The following PRAP1 variants were observed in gnomAD, a reference collection of about 807,000 sequenced individuals.
PRAP1 encodes the protein proline-rich acidic protein 1.
Under a neutral mutation model 14.6 loss-of-function variants are expected in PRAP1, and 12 were observed. The observed-to-expected ratio is 0.82, with a 90% CI of 0.53 to 1.33. The LOEUF is 1.33. Ranked by LOEUF, PRAP1 falls within the 40% of genes most tolerant of loss-of-function variation. PRAP1 has a pLI of 0.00. For synonymous variants in PRAP1, 81 were observed against 80.3 expected (o/e 1.01, Z -0.04); for missense variants, 160 against 193.7 (o/e 0.83, Z 1.03).
chr10:133,350,084 C>A lies in PRAP1; in HGVS notation c.9-11C>A. ...CCCTACCTCACACTTCCCTCTCTGGCCCCCCCTCAGGCTCCTCCTGGTCAC... is the reference window on the plus strand; with the variant it reads ...CCCTACCTCACACTTCCCTCTCTGGACCCCCCTCAGGCTCCTCCTGGTCAC... On this transcript the variant is annotated splice_polypyrimidine_tract_variant and intron_variant, in intron 1 of 4. Coordinates refer to ENST00000433452, the MANE Select transcript of PRAP1 (RefSeq NM_145202.5). 1 of 1,610,908 alleles carries A rather than the reference C, an allele frequency of 6.2e-7. No individual in the cohort carries two copies. The highest frequency in any genetic ancestry group is 8.5e-7 in the Non-Finnish European group (1 of 1,178,306).
At position 133,352,473 on chromosome 10, in the gene PRAP1, C is replaced by G; in HGVS notation, c.*33C>G. 1 of 1,588,982 alleles carries G rather than the reference C, an allele frequency of 6.3e-7. No individual in the cohort carries two copies. The highest frequency in any genetic ancestry group is 8.6e-7 in the Non-Finnish European group (1 of 1,161,978). ...GGGGCCATCACTGCCCCCGCCCTGTCCCAAGGCCCAGGCTGTTGGGACTGG... is the reference window on the plus strand; with the variant it reads ...GGGGCCATCACTGCCCCCGCCCTGTGCCAAGGCCCAGGCTGTTGGGACTGG... On this transcript the variant is annotated 3_prime_UTR_variant, in exon 5 of 5. Transcript: ENST00000433452.
chr10:133,349,747 ATG>A (rs1207897315), intron 1 of PRAP1, among the ~76,000 whole-genome samples: 1 of 152,036 alleles, frequency 6.6e-6, no homozygotes, highest in Admixed American at 6.6e-5. Context: ...AAGTGTGTTC[ATG>A]TGTGTCCCCA....
Position 133,351,485 on chromosome 10 carries a change from C to A in PRAP1, c.128+52C>A. 2 of 1,397,976 alleles carry A rather than the reference C, an allele frequency of 1.4e-6. No homozygotes were observed. The highest frequency in any genetic ancestry group is 1.9e-5 in the Admixed American group (1 of 52,282). The allele number at this position is 1,397,976 out of a possible 1,614,324, so 86.6% of individuals were successfully genotyped here. The stretch of plus-strand genomic sequence containing the variant: ...ACCACCCATTCCCTGAAGCTACAGC[C>A]CGTTCTGCTGGGCCCTTCCTGAACC... On this transcript the variant is annotated intron_variant, in intron 3 of 4. Coordinates refer to ENST00000433452, the MANE Select transcript of PRAP1 (RefSeq NM_145202.5). The surrounding 1 kb of genome is among the most constrained non-coding windows in gnomAD (Gnocchi z 4.3).
rs200921712 is a variant in PRAP1 at position 133,352,313 on chromosome 10, A to G, written c.329A>G (p.Asp110Gly). Residue 110 changes from aspartate (D) to glycine (G), a missense_variant, in exon 5 of 5, where the codon GAC (aspartate) becomes GGC (glycine). Coordinates refer to ENST00000433452, the MANE Select transcript of PRAP1 (RefSeq NM_145202.5). The part of the protein sequence containing the change: ...GHVLSPEPDH[D>G]SLYHPPPEED... Reference sequence around the variant, plus strand: ...GTCCTGAGTCCCGAGCCCGACCATGACAGCCTGTACCACCCTCCGCCTGAG... The same window carrying G: ...GTCCTGAGTCCCGAGCCCGACCATGGCAGCCTGTACCACCCTCCGCCTGAG... The G allele has an allele frequency of 6.2e-7, 1 of 1,613,090 alleles. No homozygotes were observed. The highest frequency in any genetic ancestry group is 2.2e-5 in the East Asian group (1 of 44,874).
Position 133,351,366 on chromosome 10 carries a change from G to A in PRAP1, c.76-15G>A, listed in dbSNP as rs756815704. ...GTGGACTGTGGCCCAGCCCACACCTGTGACTCTCCCCCAGGTCCCTATCAA... is the reference window on the plus strand; with the variant it reads ...GTGGACTGTGGCCCAGCCCACACCTATGACTCTCCCCCAGGTCCCTATCAA... On this transcript the variant is annotated splice_polypyrimidine_tract_variant and intron_variant, in intron 2 of 4. Transcript: ENST00000433452. This position sits in a 1 kb window ranked among gnomAD's most constrained non-coding sequence, Gnocchi z 4.3. 6.2e-7 allele frequency: 1 copy of A among 1,609,652 alleles called. No individual in the cohort carries two copies.
At position 133,352,332 on chromosome 10, in the gene PRAP1, G is replaced by A. The variant is rs141546042; in HGVS notation, c.348G>A (p.Pro116=). The A allele has an allele frequency of 5.0e-5, 80 of 1,613,094 alleles. No homozygotes were observed. The African/African-American group carries it at 5.2e-4, about 10-fold the overall frequency. ...ACCATGACAGCCTGTACCACCCTCC[G>A]CCTGAGGAGGACCAGGGCGAGGAGA... ...EPDHDSLYHP[P]PEEDQGEERP... is the part of the protein sequence containing the mutation. The change falls in exon 5 of 5, where the codon CCG becomes CCA. Residue 116 remains proline (P), a synonymous_variant. Coordinates refer to ENST00000433452, the MANE Select transcript of PRAP1 (RefSeq NM_145202.5).
chr10:133,351,896 C>T lies in PRAP1; in HGVS notation c.129-111C>T. Reference sequence around the variant, plus strand: ...CTTGAGAGAGAGGCTTGTCCTGGGGCTGCTGGTGGTGGGGCTGGAGTGGCT... The same window carrying T: ...CTTGAGAGAGAGGCTTGTCCTGGGGTTGCTGGTGGTGGGGCTGGAGTGGCT... On this transcript the variant is annotated intron_variant, in intron 3 of 4. Transcript: ENST00000433452. This position sits in a 1 kb window ranked among gnomAD's most constrained non-coding sequence, Gnocchi z 4.3. The T allele has an allele frequency of 7.2e-7, 1 of 1,383,254 alleles. No homozygotes were observed. The highest frequency in any genetic ancestry group is 9.8e-7 in the Non-Finnish European group (1 of 1,020,162). 85.7% of individuals were successfully genotyped at this position (1,383,254 alleles called of 1,614,324 possible). A position where few individuals can be genotyped will look rare whatever the true frequency, so the allele number is the denominator to read the frequency against.
At position 133,351,913 on chromosome 10, in the gene PRAP1, G is replaced by A. The variant is rs1248314119; in HGVS notation, c.129-94G>A. ...TCCTGGGGCTGCTGGTGGTGGGGCTGGAGTGGCTGCCCTGGGATGGTGGGC... is the reference window on the plus strand; with the variant it reads ...TCCTGGGGCTGCTGGTGGTGGGGCTAGAGTGGCTGCCCTGGGATGGTGGGC... On this transcript the variant is annotated intron_variant, in intron 3 of 4. Transcript: ENST00000433452. This position sits in a 1 kb window ranked among gnomAD's most constrained non-coding sequence, Gnocchi z 4.3. 6.7e-7 allele frequency: 1 copy of A among 1,497,324 alleles called. No homozygotes were observed. The highest frequency in any genetic ancestry group is 9.0e-7 in the Non-Finnish European group (1 of 1,113,954). 92.8% of individuals were successfully genotyped at this position (1,497,324 alleles called of 1,614,324 possible).
chr10:133,350,161 G>A lies in PRAP1; in HGVS notation c.75G>A (p.Lys25=). The A allele has an allele frequency of 1.2e-6, 2 of 1,613,176 alleles. No homozygotes were observed. The highest frequency in any genetic ancestry group is 2.2e-5 in the East Asian group (1 of 44,886). Residue 25 remains lysine, a splice_region_variant and synonymous_variant, in exon 2 of 5, where the codon AAG becomes AAA. Coordinates refer to ENST00000433452, the MANE Select transcript of PRAP1 (RefSeq NM_145202.5). ...LWEAGAVPAP[K]VPIKMQVKHW... The stretch of plus-strand genomic sequence containing the variant: ...AGGCAGGTGCAGTCCCAGCACCCAA[G>A]GTAGGTGTGAGCCCCTCCCATCTGG...
chr10:133,351,860 C>T lies in PRAP1; in HGVS notation c.129-147C>T. ...CTGGCCGGGAGCACTGGGGGCCACT[C>T]ATCACTGGCTCTTGAGAGAGAGGCT... On this transcript the variant is annotated intron_variant, in intron 3 of 4. Coordinates refer to ENST00000433452, the MANE Select transcript of PRAP1 (RefSeq NM_145202.5). This position sits in a 1 kb window ranked among gnomAD's most constrained non-coding sequence, Gnocchi z 4.3. The T allele has an allele frequency of 9.3e-7, 1 of 1,075,270 alleles. No homozygotes were observed. Among genetic ancestry groups the T allele is most frequent in the Non-Finnish European group, 1.3e-6 (1 of 754,018 alleles). 66.6% of individuals were successfully genotyped at this position (1,075,270 alleles called of 1,614,324 possible).
chr10:133,350,322 G>A (rs1848657312), intron 2 of PRAP1, among the ~76,000 whole-genome samples, 161 bp downstream of exon 2: 1 of 152,228 alleles, frequency 6.6e-6, no homozygotes, highest in South Asian at 2.1e-4. Flanking sequence ...GCCTGTGCAG[G>A]CATGAGGAGG....
At chr10:133,348,329 G>A (rs1456850956) in intron 1 of PRAP1, among the ~76,000 whole-genome samples, 6 of 152,126 alleles carry the variant, frequency 3.9e-5, no homozygotes, top group Admixed American at 6.5e-5. Context: ...TCCCGGCCCC[G>A]GGCTGTCCGG....
chr10:133,347,741 G>T lies in PRAP1; in HGVS notation c.8+316G>T, dbSNP rs1848607985. Among the ~76,000 whole-genome samples, 1 of 152,170 alleles carries T rather than the reference G, an allele frequency of 6.6e-6. No homozygotes were observed. The highest frequency in any genetic ancestry group is 2.1e-4 in the South Asian group (1 of 4,832). On this transcript the variant is annotated intron_variant, in intron 1 of 4. Transcript: ENST00000433452. The surrounding 1 kb of genome is among the most constrained non-coding windows in gnomAD (Gnocchi z 5.0). The stretch of plus-strand genomic sequence containing the variant: ...GCCTGTGACTGCCCAAAAGGAAGGG[G>T]GCTGGGGGAGGGGAGGGGCTGGGGC...
At position 133,352,009 on chromosome 10, in the gene PRAP1, C is replaced by G; in HGVS notation, c.131C>G (p.Ala44Gly). 1.2e-6 allele frequency: 2 copies of G among 1,612,402 alleles called. No individual in the cohort carries two copies. Among genetic ancestry groups the G allele is most frequent in the Non-Finnish European group, 1.7e-6 (2 of 1,179,852 alleles). The stretch of plus-strand genomic sequence containing the variant: ...ACCTGACCAAACTGTGCCAGCAGGG[C>G]CTGGGGCGCCCGTGTGGTGGAGCCT... Reference protein sequence around the residue: ...HWPSEQDPEKAWGARVVEPPE... With the variant: ...HWPSEQDPEKGWGARVVEPPE... Residue 44 changes from alanine to glycine, a missense_variant and splice_region_variant, in exon 4 of 5, where the codon GCC becomes GGC. Transcript: ENST00000433452.
chr10:133,350,999 A>G (rs919347902), intron 2 of PRAP1, among the ~76,000 whole-genome samples: 2 of 152,106 alleles, frequency 1.3e-5, no homozygotes, highest in African/African-American at 4.8e-5. Flanking sequence ...GGCACCAGCC[A>G]GGAAGGGGTG....
At position 133,352,089 on chromosome 10, in the gene PRAP1, T is replaced by C; in HGVS notation, c.211T>C (p.Leu71=). Reference sequence around the variant, plus strand: ...GTTCCCTGTCCAGAAGCCGAAACTCTTGACCACCGAGGAGAAGCCACGAGG... The same window carrying C: ...GTTCCCTGTCCAGAAGCCGAAACTCCTGACCACCGAGGAGAAGCCACGAGG... ...VLFPVQKPKL[L]TTEEKPRGQG... is the part of the protein sequence containing the mutation. The change falls in exon 4 of 5, where the codon TTG becomes CTG. Residue 71 remains leucine, a synonymous_variant. Coordinates refer to ENST00000433452, the MANE Select transcript of PRAP1 (RefSeq NM_145202.5). The C allele has an allele frequency of 6.2e-7, 1 of 1,612,916 alleles. No homozygotes were observed. The highest frequency in any genetic ancestry group is 8.5e-7 in the Non-Finnish European group (1 of 1,179,910).
intron 2 of PRAP1, among the ~76,000 whole-genome samples, chr10:133,350,412 GA>G (rs905096781): frequency 6.6e-6 from 1 of 152,086 alleles, no homozygotes; most frequent in Admixed American, 6.5e-5. Context: ...TGTGGGTCCA[GA>G]TGAGCCCACA....
At chr10:133,350,017 C>A in intron 1 of PRAP1, 78 bp from the exon 2 acceptor site, 2 of 1,343,836 alleles carry the variant, frequency 1.5e-6, no homozygotes, top group Non-Finnish European at 2.1e-6. Flanking sequence ...GGCCTCCCAG[C>A]TGCCCATCAG....
chr10:133,351,426 C>G lies in PRAP1; in HGVS notation c.121C>G (p.Pro41Ala), dbSNP rs145678335. The change falls in exon 3 of 5, where the codon CCA becomes GCA. Residue 41 changes from proline (P) to alanine (A), a missense_variant. Coordinates refer to ENST00000433452, the MANE Select transcript of PRAP1 (RefSeq NM_145202.5). This position sits in a 1 kb window ranked among gnomAD's most constrained non-coding sequence, Gnocchi z 4.3. Reference sequence around the variant, plus strand: ...CAAACACTGGCCCTCAGAGCAGGACCCAGAGAAGTAAGTCCCCCCAACCCC... The same window carrying G: ...CAAACACTGGCCCTCAGAGCAGGACGCAGAGAAGTAAGTCCCCCCAACCCC... ...QVKHWPSEQD[P>A]EKAWGARVVE... The G allele has an allele frequency of 3.9e-5, 63 of 1,609,080 alleles. No homozygotes were observed. Among genetic ancestry groups the G allele is most frequent in the Non-Finnish European group, 5.3e-5 (62 of 1,177,730 alleles).
Sources: gnomAD v4.1 joint callset for allele counts (sites outside exome capture counted in the v4.1 genomes callset) on GRCh38, gnomAD v4.1.1 for gene constraint, Gnocchi (gnomAD v3.1) non-coding constraint, MANE v1.5 for transcripts, NCBI Gene and HGNC (gene_info 2026-07-23, HGNC 2026-07-21) for gene names.